XDH: variants seen among roughly 807,000 people sequenced by gnomAD.
The protein encoded by XDH is xanthine dehydrogenase.
Under a neutral mutation model 156.1 loss-of-function variants are expected in XDH, and 138 were observed. The ratio of observed to expected loss-of-function variants is 0.88; its 90% confidence interval spans 0.77 to 1.02. XDH has a LOEUF of 1.02. Among genes scored for constraint, XDH ranks in the 50% least tolerant of loss-of-function variants. The pLI, the probability that XDH is intolerant of heterozygous loss-of-function variation, is 0.00. For missense variants in XDH, 1,849 were observed against 1,684.9 expected (o/e 1.10, Z -1.71); for synonymous variants, 669 against 625.7 (o/e 1.07, Z -1.03).
At chr2:31,362,452 A>G (rs187417391) in intron 24 of XDH, among the ~76,000 whole-genome samples, 131 of 152,368 alleles carry the variant, frequency 8.6e-4, no homozygotes, top group African/African-American at 2.9e-3. Flanking sequence ...GTTCTTACTA[A>G]CTAGATAAGC....
In XDH at chr2:31,372,264, C is replaced by T. The variant is rs45442092; in HGVS notation, c.1820G>A (p.Arg607Gln). Reference sequence around the variant, plus strand: ...GTGGGCCCGGGTGCTGGTGACCAGCCGGAGAGACAGCTCATTCTCGTAGCG... The same window carrying T: ...GTGGGCCCGGGTGCTGGTGACCAGCTGGAGAGACAGCTCATTCTCGTAGCG... Reference protein sequence around the residue: ...IPRYENELSLRLVTSTRAHAK... With the variant: ...IPRYENELSLQLVTSTRAHAK... The change falls in exon 17 of 36, where the codon CGG (arginine) becomes CAG (glutamine). Residue 607 changes from arginine (R) to glutamine (Q), a missense_variant. Physicochemically the swap from Arg to Gln is conservative, Grantham distance 43. Coordinates refer to ENST00000379416, the MANE Select transcript of XDH (RefSeq NM_000379.4). The T allele has an allele frequency of 3.4e-3, 5,517 of 1,614,242 alleles. 20 individuals carry two copies. The highest frequency in any genetic ancestry group is 4.3e-3 in the Non-Finnish European group (5,058 of 1,180,042).
intron 24 of XDH, among the ~76,000 whole-genome samples, chr2:31,352,638 T>C (rs879479973): frequency 6.6e-6 from 1 of 152,232 alleles, no homozygotes; most frequent in Non-Finnish European, 1.5e-5. Context: ...CTGGATTGAA[T>C]TGAAAATCTT....
chr2:31,406,030 C>A, intron 1 of XDH, 66 bp from the exon 2 acceptor site: 2 of 1,550,308 alleles, frequency 1.3e-6, no homozygotes, highest in East Asian at 4.5e-5. Flanking sequence ...CAATTAATTT[C>A]TTCCTTCAGT....
intron 2 of XDH, among the ~76,000 whole-genome samples, chr2:31,405,680 T>C (rs1293602936): frequency 6.6e-6 from 1 of 152,194 alleles, no homozygotes; most frequent in Admixed American, 6.5e-5. Flanking sequence ...ACTAGAGTCT[T>C]AGCGGGGAGA....
At chr2:31,380,551 C>T (rs1686409974) in intron 12 of XDH, among the ~76,000 whole-genome samples, 1 of 152,232 alleles carries the variant, frequency 6.6e-6, no homozygotes, top group Admixed American at 6.5e-5. Flanking sequence ...CGCTGAGCCT[C>T]TAACAAGCTT....
chr2:31,339,797 C>A, intron 33 of XDH, 120 bp from the exon 34 acceptor site: 1 of 1,276,540 alleles, frequency 7.8e-7, no homozygotes, highest in Non-Finnish European at 1.1e-6. Context: ...GCTAAAACTG[C>A]CCTCTATTGC....
rs756420094 is a variant in XDH at position 31,349,774 on chromosome 2, C to T, written c.2881G>A (p.Glu961Lys). Residue 961 changes from glutamate to lysine, a missense_variant, in exon 26 of 36, where the codon GAG becomes AAG. Coordinates refer to ENST00000379416, the MANE Select transcript of XDH (RefSeq NM_000379.4). Reference protein sequence around the residue: ...GDLTHFNQKLEGFTLPRCWEE... With the variant: ...GDLTHFNQKLKGFTLPRCWEE... ...CAGCATCTGGGCAAGGTGAAACCCT[C>T]AAGCTTCTGGTTGAAGTGTGTCAGG... is the stretch of plus-strand genomic sequence containing the variant. 3 of 1,614,052 alleles carry T rather than the reference C, an allele frequency of 1.9e-6. No individual in the cohort carries two copies. In the East Asian group the frequency reaches 6.7e-5, roughly 36 times the overall value.
intron 24 of XDH, among the ~76,000 whole-genome samples, chr2:31,357,552 G>T (rs1428907816): frequency 6.6e-6 from 1 of 152,044 alleles, no homozygotes; most frequent in Non-Finnish European, 1.5e-5. Context: ...AGGCTGGGGA[G>T]GGTAGGGGGA....
intron 7 of XDH, 89 bp from the exon 8 acceptor site, chr2:31,387,986 T>C: frequency 7.1e-7 from 1 of 1,415,918 alleles, no homozygotes; most frequent in Non-Finnish European, 9.7e-7. Flanking sequence ...TCCAGCAAGC[T>C]CATTCCCAGC....
In XDH at chr2:31,378,886, A is replaced by G. The variant is rs566389036; in HGVS notation, c.1242+981T>C. ...AAAAGTTTACTGAACTGTGAAATTC[A>G]AAACTCTGGGAATCACTGCTCAAAA... is the stretch of plus-strand genomic sequence containing the variant. On this transcript the variant is annotated intron_variant, in intron 13 of 35. Transcript: ENST00000379416. Among the ~76,000 whole-genome samples the G allele has an allele frequency of 1.6e-3, 238 of 152,196 alleles. 1 individual carries two copies. The South Asian group carries it at 0.017, about 11-fold the overall frequency.
Position 31,381,724 on chromosome 2 carries a change from G to C in XDH, c.1041C>G (p.Ser347=). The C allele has an allele frequency of 6.2e-7, 1 of 1,612,780 alleles. No homozygotes were observed. Among genetic ancestry groups the C allele is most frequent in the Non-Finnish European group, 8.5e-7 (1 of 1,179,424 alleles). ...FAGKQVKSVA[S]VGGNIITASP... ...TGGCAGTGATGATGTTCCCTCCAAC[G>C]GACTAAAACAAGCAGAGAGCATGCA... Residue 347 remains serine, a splice_region_variant and synonymous_variant, in exon 12 of 36, where the codon TCC becomes TCG. Transcript: ENST00000379416.
intron 1 of XDH, among the ~76,000 whole-genome samples, chr2:31,408,826 C>T (rs1687262159): frequency 6.6e-6 from 1 of 152,196 alleles, no homozygotes. Flanking sequence ...AAAACAGATA[C>T]CTGCACTCCT....
chr2:31,347,608 T>C lies in XDH; in HGVS notation c.3190A>G (p.Ile1064Val), dbSNP rs759310863. The C allele has an allele frequency of 1.2e-6, 2 of 1,614,056 alleles. No homozygotes were observed. Among genetic ancestry groups the C allele is most frequent in the Admixed American group, 1.7e-5 (1 of 60,008 alleles). The change falls in exon 29 of 36, where the codon ATC becomes GTC. Residue 1064 changes from isoleucine (I) to valine (V), a missense_variant. By Grantham distance (29) the Ile-to-Val change is conservative (BLOSUM62 3). Coordinates refer to ENST00000379416, the MANE Select transcript of XDH (RefSeq NM_000379.4). ...ALKIPTSKIY[I>V]SETSTNTVPN... is the part of the protein sequence containing the mutation. ...ACAGTGTTAGTGCTTGTCTCGCTGA[T>C]ATAAATCTTAGAGGTGGGGATTTTC...
chr2:31,398,255 G>A (rs559281858), intron 5 of XDH, among the ~76,000 whole-genome samples: 20 of 152,288 alleles, frequency 1.3e-4, no homozygotes, highest in South Asian at 1.2e-3. Flanking sequence ...ACTAGCCCCC[G>A]TGGAGTTTTC....
At chr2:31,360,433 G>A (rs1166652895) in intron 24 of XDH, among the ~76,000 whole-genome samples, 1 of 152,102 alleles carries the variant, frequency 6.6e-6, no homozygotes, top group Non-Finnish European at 1.5e-5. Context: ...CCCAGGAGGC[G>A]GAGGTTGCAG....
Position 31,398,615 on chromosome 2 carries a change from G to C in XDH, c.391C>G (p.Gln131Glu). The change falls in exon 5 of 36, where the codon CAG becomes GAG. Residue 131 changes from glutamine (Q) to glutamate (E), a missense_variant. Coordinates refer to ENST00000379416, the MANE Select transcript of XDH (RefSeq NM_000379.4). ...ATCTCCTCCATGGTGGGCTCGGGCT[G>C]ATTCCGGAGCAGTGTGTACATACTC... ...VMSMYTLLRN[Q>E]PEPTMEEIEN... 1 of 1,614,190 alleles carries C rather than the reference G, an allele frequency of 6.2e-7. No individual in the cohort carries two copies. Among genetic ancestry groups the C allele is most frequent in the South Asian group, 1.1e-5 (1 of 91,086 alleles).
At chr2:31,405,790 G>A in intron 2 of XDH, 117 bp downstream of exon 2, 1 of 1,120,400 alleles carries the variant, frequency 8.9e-7, no homozygotes, top group Admixed American at 1.7e-5. Context: ...CTAATCCAGT[G>A]CTCTTTCCTC....
chr2:31,388,437 T>C (rs962943450), intron 6 of XDH, 142 bp from the exon 7 acceptor site: 1 of 892,214 alleles, frequency 1.1e-6, no homozygotes, highest in South Asian at 1.4e-5. Flanking sequence ...TGCCTGCCTG[T>C]TGCCCAGAGT....
At chr2:31,406,323 T>C (rs1687190897) in intron 1 of XDH, among the ~76,000 whole-genome samples, 1 of 152,190 alleles carries the variant, frequency 6.6e-6, no homozygotes, top group Non-Finnish European at 1.5e-5. Flanking sequence ...CCTTCTGCCA[T>C]GAGTAAAAAC....
Sources: gnomAD v4.1 joint callset for allele counts (sites outside exome capture counted in the v4.1 genomes callset) on GRCh38, gnomAD v4.1.1 for gene constraint, MANE v1.5 for transcripts, NCBI Gene and HGNC (gene_info 2026-07-23, HGNC 2026-07-21) for gene names.